The following STS variants were observed in gnomAD, a reference collection of about 807,000 sequenced individuals.
STS encodes the protein steroid sulfatase.
STS carries 7 observed loss-of-function variants against 26.8 expected under a neutral mutation model. The observed-to-expected ratio is 0.26, with a 90% CI of 0.15 to 0.49. The LOEUF is 0.49. Ranked by LOEUF, STS falls within the 20% of genes least tolerant of loss-of-function variation. STS has a pLI of 0.98. For missense variants in STS, 434 were observed against 465.6 expected (o/e 0.93, Z 0.63); for synonymous variants, 199 against 189.4 (o/e 1.05, Z -0.42).
At chrX:7,336,844 G>A (rs997393520) in intron 10 of STS, among the ~76,000 whole-genome samples, 3 of 111,922 alleles carry the variant, frequency 2.7e-5, no homozygotes, top group Non-Finnish European at 5.6e-5. Context: ...AAGCGGGAAG[G>A]AACATATTGG....
chrX:7,300,243 T>C (rs910797895), intron 7 of STS, among the ~76,000 whole-genome samples: 33 of 112,256 alleles, frequency 2.9e-4, no homozygotes, highest in Non-Finnish European at 2.6e-4. Context: ...TTTCTATATT[T>C]GTTTCCTTCA....
At chrX:7,346,127 T>C (rs1928513811) in intron 10 of STS, among the ~76,000 whole-genome samples, 1 of 112,148 alleles carries the variant, frequency 8.9e-6, no homozygotes, top group Non-Finnish European at 1.9e-5. Flanking sequence ...TAGGATCCTA[T>C]GTGGAGGATG....
intron 6 of STS, among the ~76,000 whole-genome samples, chrX:7,275,330 G>C (rs1699011563): frequency 9.0e-6 from 1 of 111,523 alleles, no homozygotes; most frequent in Non-Finnish European, 1.9e-5. Context: ...AACTATATGA[G>C]AAAATGAATA....
rs1010707972 is a variant in STS at position 7,190,784 on chromosome X, A to G, written c.-133-96A>G. On this transcript the variant is annotated intron_variant, in intron 1 of 10. Transcript: ENST00000674429. Reference sequence around the variant, plus strand: ...CCCTCTCTCAAAAAAAAAAATACTAATAATAAATAAATAAATAAAAGAGCA... The same window carrying G: ...CCCTCTCTCAAAAAAAAAAATACTAGTAATAAATAAATAAATAAAAGAGCA... Among the ~76,000 whole-genome samples the G allele has an allele frequency of 3.6e-5, 4 of 110,309 alleles. No homozygotes were observed. In the Admixed American group the frequency reaches 3.9e-4, roughly 11 times the overall value.
chrX:7,220,795 G>A (rs1381005695), intron 2 of STS, among the ~76,000 whole-genome samples: 4 of 110,192 alleles, frequency 3.6e-5, no homozygotes, highest in African/African-American at 3.3e-5. Flanking sequence ...TGATCCGCCC[G>A]CCTCGGCCTC....
At chrX:7,292,825 GA>G (rs1272526345) in intron 7 of STS, among the ~76,000 whole-genome samples, 2 of 110,974 alleles carry the variant, frequency 1.8e-5, no homozygotes, top group African/African-American at 6.6e-5. Flanking sequence ...GTATTCCAAA[GA>G]ATACTTTTCT....
chrX:7,179,809 T>C (rs751815531), intron 1 of STS, among the ~76,000 whole-genome samples: 79 of 111,967 alleles, frequency 7.1e-4, no homozygotes, highest in African/African-American at 2.5e-3. Context: ...GGGTACAAAG[T>C]TCCAGTTAGA....
intron 7 of STS, among the ~76,000 whole-genome samples, chrX:7,284,097 A>G (rs749299158): frequency 1.8e-5 from 2 of 111,623 alleles, no homozygotes; most frequent in Non-Finnish European, 3.8e-5. Flanking sequence ...GGAGGTTTAT[A>G]GCCAGGCAGA....
At chrX:7,324,520 T>C (rs1373595966) in intron 8 of STS, among the ~76,000 whole-genome samples, 1 of 111,941 alleles carries the variant, frequency 8.9e-6, no homozygotes, top group Non-Finnish European at 1.9e-5. Flanking sequence ...ATATGTCAAA[T>C]AAATATATTT....
rs183988681 is a variant in STS at position 7,312,744 on chromosome X, A to T, written c.1081+7561A>T. ...TCCCGCCATGATTTTGAGGCCCCCT[A>T]GCCATGTGGAACTGTGAGTCCATTA... On this transcript the variant is annotated intron_variant, in intron 8 of 10. Transcript: ENST00000674429. Among the ~76,000 whole-genome samples the T allele has an allele frequency of 4.5e-5, 5 of 111,831 alleles. No individual in the cohort carries two copies. In the East Asian group the frequency reaches 1.4e-3, roughly 32 times the overall value.
At chrX:7,277,559 C>T (rs1924601511) in intron 7 of STS, among the ~76,000 whole-genome samples, 1 of 111,645 alleles carries the variant, frequency 9.0e-6, no homozygotes, top group Admixed American at 9.5e-5. Flanking sequence ...TCTCTGTGAA[C>T]TTGGGAGATG....
intron 2 of STS, among the ~76,000 whole-genome samples, chrX:7,221,810 C>T (rs1489847024): frequency 6.2e-5 from 7 of 112,208 alleles, no homozygotes; most frequent in Non-Finnish European, 1.3e-4. Flanking sequence ...TATCGGTGGA[C>T]ATTCACCTAA....
At chrX:7,273,729 A>G (rs1404650282) in intron 6 of STS, among the ~76,000 whole-genome samples, 3 of 111,344 alleles carry the variant, frequency 2.7e-5, no homozygotes, top group African/African-American at 9.8e-5. Context: ...CTTCATTCTC[A>G]AGGCTCCTAT....
At position 7,212,494 on chromosome X, in the gene STS, G is replaced by T. The variant is rs188094815; in HGVS notation, c.-5+21486G>T. Among the ~76,000 whole-genome samples, 28 of 111,021 alleles carry T rather than the reference G, an allele frequency of 2.5e-4. No homozygotes were observed. In the East Asian group the frequency reaches 7.6e-3, roughly 30 times the overall value. ...CTCAAAAAAGAAAAAAGAGAAAAAAGAAAAAAGAATTCTGTCTCAAGATAC... is the reference window on the plus strand; with the variant it reads ...CTCAAAAAAGAAAAAAGAGAAAAAATAAAAAAGAATTCTGTCTCAAGATAC... On this transcript the variant is annotated intron_variant, in intron 2 of 10. Coordinates refer to ENST00000674429, the MANE Select transcript of STS (RefSeq NM_001320752.2).
chrX:7,148,113 T>A, intron 1 of STS, 30 bp downstream of exon 1: 1 of 1,103,202 alleles, frequency 9.1e-7, no homozygotes, highest in Non-Finnish European at 1.2e-6. Flanking sequence ...GGCGCCGCCA[T>A]GGTGGCGCCT....
At chrX:7,227,108 A>G in intron 2 of STS, among the ~76,000 whole-genome samples, 1 of 111,974 alleles carries the variant, frequency 8.9e-6, no homozygotes, top group Non-Finnish European at 1.9e-5. Flanking sequence ...TATAAAGTGC[A>G]TATTCAATTG....
At chrX:7,324,525 A>G (rs760820509) in intron 8 of STS, among the ~76,000 whole-genome samples, 9 of 111,727 alleles carry the variant, frequency 8.1e-5, no homozygotes, top group African/African-American at 2.9e-4. Context: ...TCAAATAAAT[A>G]TATTTTGGGG....
intron 5 of STS, among the ~76,000 whole-genome samples, chrX:7,258,085 TAGAG>T (rs1923522250): frequency 1.0e-5 from 1 of 95,269 alleles, no homozygotes; most frequent in Non-Finnish European, 2.1e-5. Flanking sequence ...GCTAGATAGA[TAGAG>T]AAATAGAAAA....
intron 9 of STS, 23 bp downstream of exon 9, chrX:7,325,521 G>A (rs761562110): frequency 9.1e-6 from 11 of 1,209,038 alleles, no homozygotes; most frequent in Middle Eastern, 5.6e-4. Context: ...CAGGGTGGTT[G>A]GTATTGTTGA....
Sources: gnomAD v4.1 joint callset for allele counts (sites outside exome capture counted in the v4.1 genomes callset) on GRCh38, gnomAD v4.1.1 for gene constraint, MANE v1.5 for transcripts, NCBI Gene and HGNC (gene_info 2026-07-23, HGNC 2026-07-21) for gene names.